Variants in PRKX observed in about 807,000 individuals in gnomAD.
PRKX encodes protein kinase cAMP-dependent X-linked catalytic subunit.
PRKX carries 12 observed loss-of-function variants against 22.0 expected under a neutral mutation model. The observed-to-expected ratio is 0.54, with a 90% CI of 0.35 to 0.88. The LOEUF is 0.88. PRKX is among the 40% of genes least tolerant of loss of function. The pLI is 0.01. For synonymous variants in PRKX, 134 were observed against 137.7 expected, an observed-to-expected ratio of 0.97 and a Z score of 0.19; for missense variants, 217 against 308.0, an observed-to-expected ratio of 0.70 and a Z score of 2.21.
At chrX:3,645,565 T>C (rs1452735651) in intron 3 of PRKX, among the ~76,000 whole-genome samples, 1 of 112,292 alleles carries the variant, frequency 8.9e-6, no homozygotes, top group African/African-American at 3.2e-5. Context: ...GTGAAAATGT[T>C]CTGGAACTAG....
intron 3 of PRKX, among the ~76,000 whole-genome samples, chrX:3,645,108 G>A (rs1472072391): frequency 1.8e-5 from 2 of 111,423 alleles, no homozygotes; most frequent in African/African-American, 6.5e-5. Flanking sequence ...ATGAATATGA[G>A]ATGAGACAGC....
intron 7 of PRKX, 25 bp from the exon 8 acceptor site, chrX:3,612,350 A>C: frequency 8.3e-7 from 1 of 1,200,495 alleles, no homozygotes; most frequent in Non-Finnish European, 1.1e-6. Context: ...CGAAGCACAA[A>C]GGCATGGTTA....
chrX:3,640,912 G>C (rs1927065357), intron 4 of PRKX, among the ~76,000 whole-genome samples: 5 of 111,225 alleles, frequency 4.5e-5, no homozygotes, highest in Non-Finnish European at 7.5e-5. Flanking sequence ...GGTACTAAAA[G>C]ACACTCCCAC....
At chrX:3,613,599 C>T (rs1926350925) in intron 7 of PRKX, among the ~76,000 whole-genome samples, 1 of 109,660 alleles carries the variant, frequency 9.1e-6, no homozygotes, top group Non-Finnish European at 1.9e-5. Context: ...AATCCCAGCA[C>T]TTTGGGAGGC....
rs751652498 is a variant in PRKX at position 3,605,446 on chromosome X, T to G, written c.*3523A>C. 3.6e-5 allele frequency: 4 copies of G among 111,741 alleles called. No homozygotes were observed. The highest frequency in any genetic ancestry group is 3.8e-4 in the South Asian group (1 of 2,659). 9.2% of individuals were successfully genotyped at this position (111,741 alleles called of 1,213,427 possible). A position where few individuals can be genotyped will look rare whatever the true frequency, so the allele number is the denominator to read the frequency against. On this transcript the variant is annotated 3_prime_UTR_variant, in exon 9 of 9. Coordinates refer to ENST00000262848, the MANE Select transcript of PRKX (RefSeq NM_005044.5). The stretch of plus-strand genomic sequence containing the variant: ...ATTCTGGTGGGGTATTTGTGCAGCC[T>G]GAGGTGCACCTGGCTACAGAGTGGA...
At position 3,604,497 on chromosome X, in the gene PRKX, AG is replaced by A. The variant is rs1926117946; in HGVS notation, c.*4471del. The A allele has an allele frequency of 1.8e-5, 2 of 110,678 alleles. No individual in the cohort carries two copies. Among genetic ancestry groups the A allele is most frequent in the Non-Finnish European group, 3.8e-5 (2 of 53,266 alleles). The allele number at this position is 110,678 out of a possible 1,213,427, so 9.1% of individuals were successfully genotyped here. A position where few individuals can be genotyped will look rare whatever the true frequency, so the allele number is the denominator to read the frequency against. On this transcript the variant is annotated 3_prime_UTR_variant, in exon 9 of 9. Transcript: ENST00000262848. ...CAGTGATTTCCATTGTGCAACAAAC[AG>A]ACAGGATTAAAAATAGGCACTCCCC... is the stretch of plus-strand genomic sequence containing the variant.
At chrX:3,613,417 G>C (rs1163643357) in intron 7 of PRKX, among the ~76,000 whole-genome samples, 1 of 110,205 alleles carries the variant, frequency 9.1e-6, no homozygotes, top group Admixed American at 9.9e-5. Context: ...GGGGGTAAGA[G>C]GGAGACTTGG....
chrX:3,633,545 A>G (rs1926829332), intron 4 of PRKX, among the ~76,000 whole-genome samples: 1 of 111,614 alleles, frequency 9.0e-6, no homozygotes, highest in Admixed American at 9.6e-5. Flanking sequence ...ACTGGGCAAC[A>G]GAGCAAAACT....
At chrX:3,668,533 T>C (rs900109746) in intron 2 of PRKX, among the ~76,000 whole-genome samples, 7 of 111,953 alleles carry the variant, frequency 6.3e-5, no homozygotes, top group East Asian at 2.8e-4. Flanking sequence ...TAAAAAAAGA[T>C]GTTTCCAAGA....
At position 3,654,470 on chromosome X, in the gene PRKX, T is replaced by G. The variant is rs1365656246; in HGVS notation, c.599+679A>C. Among the ~76,000 whole-genome samples, 240 of 101,189 alleles carry G rather than the reference T, an allele frequency of 2.4e-3. 1 individual carries two copies. The highest frequency in any genetic ancestry group is 8.2e-3 in the African/African-American group (229 of 28,007). The allele number at this position is 101,189 out of a possible 115,157, so 87.9% of individuals were successfully genotyped here. ...ATATTCAATTTGGTTTTTTTTTTTT[T>G]TTTTTTTGTTTTGTTTTTTTTTGAG... On this transcript the variant is annotated intron_variant, in intron 3 of 8. Transcript: ENST00000262848.
intron 1 of PRKX, among the ~76,000 whole-genome samples, chrX:3,678,717 G>A (rs778125647): frequency 8.9e-6 from 1 of 111,821 alleles, no homozygotes; most frequent in Non-Finnish European, 1.9e-5. Flanking sequence ...ATCAGCTTAA[G>A]TGCACAGAAG....
intron 4 of PRKX, among the ~76,000 whole-genome samples, chrX:3,637,140 G>A (rs2146569407): frequency 9.3e-6 from 1 of 107,604 alleles, no homozygotes; most frequent in East Asian, 3.0e-4. Context: ...GGGAAGGAAA[G>A]GAAAGGGAAA....
At chrX:3,658,385 C>T (rs779619705) in intron 2 of PRKX, among the ~76,000 whole-genome samples, 1 of 111,287 alleles carries the variant, frequency 9.0e-6, no homozygotes, top group Non-Finnish European at 1.9e-5. Flanking sequence ...CGGGCTCGAG[C>T]AATCCTCTCA....
chrX:3,618,687 C>T (rs1219921943), intron 6 of PRKX, among the ~76,000 whole-genome samples: 1 of 111,594 alleles, frequency 9.0e-6, no homozygotes, highest in Non-Finnish European at 1.9e-5. Context: ...TATCAGGAAG[C>T]TTTAACTAGA....
intron 5 of PRKX, among the ~76,000 whole-genome samples, chrX:3,624,933 G>T (rs1042863969): frequency 9.0e-6 from 1 of 111,191 alleles, no homozygotes; most frequent in African/African-American, 3.3e-5. Context: ...GGCCAAACTC[G>T]ATCATAAAAG....
chrX:3,711,433 C>T (rs1928786384), intron 1 of PRKX, among the ~76,000 whole-genome samples: 1 of 111,650 alleles, frequency 9.0e-6, no homozygotes, highest in Non-Finnish European at 1.9e-5. Context: ...ACTGAGTGGC[C>T]CCCTGTGACA....
intron 1 of PRKX, among the ~76,000 whole-genome samples, chrX:3,710,293 AAAAG>A (rs1928763364): frequency 2.7e-5 from 3 of 111,956 alleles, no homozygotes; most frequent in Non-Finnish European, 3.8e-5. Flanking sequence ...AAAAAAGAAA[AAAAG>A]AATCCATTAT....
At chrX:3,697,768 G>A (rs779356595) in intron 1 of PRKX, among the ~76,000 whole-genome samples, 5 of 110,857 alleles carry the variant, frequency 4.5e-5, no homozygotes, top group East Asian at 2.9e-4. Context: ...CTAGGCTGGC[G>A]TTGACCTCCC....
At chrX:3,683,734 G>A (rs1928119352) in intron 1 of PRKX, among the ~76,000 whole-genome samples, 1 of 111,608 alleles carries the variant, frequency 9.0e-6, no homozygotes, top group Admixed American at 9.6e-5. Flanking sequence ...AACTACTTGG[G>A]AGGCTGAGGT....
Sources: allele counts gnomAD v4.1 joint callset (sites outside exome capture counted in the v4.1 genomes callset), GRCh38; gene constraint gnomAD v4.1.1; transcripts MANE v1.5; gene names NCBI Gene and HGNC (gene_info 2026-07-23, HGNC 2026-07-21).